The following REDIC1 variants were observed in gnomAD, a reference collection of about 807,000 sequenced individuals.
REDIC1 encodes the protein HEI10 Interacting Protein 1.
At chr12:39,668,210 G>C in the REDIC1 span, among the ~76,000 whole-genome samples, 2 of 152,054 alleles carry the variant, frequency 1.3e-5, no homozygotes, top group Non-Finnish European at 2.9e-5. Flanking sequence ...GGTACCAGTT[G>C]TTCCTTTCCA....
the REDIC1 span, among the ~76,000 whole-genome samples, chr12:39,805,786 G>A: frequency 2.6e-5 from 4 of 152,190 alleles, no homozygotes; most frequent in Non-Finnish European, 4.4e-5. Flanking sequence ...GCAAGTCAGA[G>A]TTGAGGTTTT....
the REDIC1 span, among the ~76,000 whole-genome samples, chr12:39,782,136 A>G: frequency 6.6e-6 from 1 of 152,160 alleles, no homozygotes; most frequent in Non-Finnish European, 1.5e-5. Flanking sequence ...GGGAAAGCAT[A>G]TTTTAACTTA....
the REDIC1 span, chr12:39,756,601 T>C: frequency 1.3e-5 from 2 of 151,866 alleles, no homozygotes; most frequent in Non-Finnish European, 3.0e-5. Flanking sequence ...ATATGGATGG[T>C]ATTTTCTAAA....
the REDIC1 span, among the ~76,000 whole-genome samples, chr12:39,739,653 T>G: frequency 1.3e-5 from 2 of 152,218 alleles, no homozygotes; most frequent in South Asian, 4.1e-4. Context: ...CTCAGAGGCT[T>G]CATTTTTGAA....
the REDIC1 span, among the ~76,000 whole-genome samples, chr12:39,766,983 G>C: frequency 6.6e-6 from 1 of 152,170 alleles, no homozygotes; most frequent in African/African-American, 2.4e-5. Flanking sequence ...CTTCCAAACT[G>C]TTCATTTGGT....
At chr12:39,896,133 C>T in the REDIC1 span, among the ~76,000 whole-genome samples, 5 of 140,444 alleles carry the variant, frequency 3.6e-5, no homozygotes, top group Non-Finnish European at 3.1e-5. Context: ...TATATGTATA[C>T]ACGTGTACCT....
the REDIC1 span, among the ~76,000 whole-genome samples, chr12:39,905,058 GAAGAATGCACAAA>G: frequency 6.6e-6 from 1 of 152,112 alleles, no homozygotes; most frequent in African/African-American, 2.4e-5. Context: ...AAATTAACTT[GAAGAATGCACAAA>G]TATGCCCACA....
chr12:39,711,226 A>C, the REDIC1 span, among the ~76,000 whole-genome samples: 6 of 150,166 alleles, frequency 4.0e-5, no homozygotes, highest in Non-Finnish European at 8.9e-5. Context: ...TTTTTAATCT[A>C]CCATATATAT....
chr12:39,767,938 C>A, the REDIC1 span, among the ~76,000 whole-genome samples: 1 of 152,100 alleles, frequency 6.6e-6, no homozygotes, highest in African/African-American at 2.4e-5. Flanking sequence ...CCCTGCAGAA[C>A]TGTGAGTCAA....
the REDIC1 span, among the ~76,000 whole-genome samples, chr12:39,709,070 C>T: frequency 6.6e-6 from 1 of 151,610 alleles, no homozygotes; most frequent in South Asian, 2.1e-4. Flanking sequence ...AGCACTTTCC[C>T]GAAGTTTTCC....
the REDIC1 span, among the ~76,000 whole-genome samples, chr12:39,764,136 T>TTG: frequency 1.4e-4 from 21 of 152,010 alleles, no homozygotes; most frequent in African/African-American, 5.1e-4. Flanking sequence ...TGTTTTTTTT[T>TTG]TTTGTTTGTT....
chr12:39,818,132 C>A, the REDIC1 span, among the ~76,000 whole-genome samples: 2 of 152,164 alleles, frequency 1.3e-5, no homozygotes, highest in African/African-American at 4.8e-5. Flanking sequence ...GTGACATCCC[C>A]AGGTGTGTGA....
chr12:39,702,261 G>A, the REDIC1 span, among the ~76,000 whole-genome samples: 3 of 152,052 alleles, frequency 2.0e-5, no homozygotes, highest in African/African-American at 4.8e-5. Context: ...TATCACCACC[G>A]ATCCCACAGA....
At chr12:39,687,718 G>C in the REDIC1 span, among the ~76,000 whole-genome samples, 1 of 152,110 alleles carries the variant, frequency 6.6e-6, no homozygotes, top group East Asian at 1.9e-4. Context: ...AAATGCTTTA[G>C]GTTTCAATGT....
the REDIC1 span, among the ~76,000 whole-genome samples, chr12:39,898,225 A>T: frequency 2.0e-5 from 3 of 152,134 alleles, no homozygotes. Context: ...AAGACTATAG[A>T]TACCTATTAT....
At chr12:39,697,447 G>A in the REDIC1 span, among the ~76,000 whole-genome samples, 15 of 152,222 alleles carry the variant, frequency 9.9e-5, 1 homozygote, top group African/African-American at 3.6e-4. Flanking sequence ...ATAATAATAA[G>A]TACACAGAAA....
At chr12:39,759,863 C>A in the REDIC1 span, 1 of 571,210 alleles carries the variant, frequency 1.8e-6, no homozygotes, top group South Asian at 2.5e-5. Flanking sequence ...AAAAAAAAGT[C>A]ATCATGGTTG....
chr12:39,713,110 T>C, the REDIC1 span, among the ~76,000 whole-genome samples: 1 of 149,136 alleles, frequency 6.7e-6, no homozygotes, highest in Non-Finnish European at 1.5e-5. Context: ...CATATACGTA[T>C]ATATGTAGAT....
At chr12:39,859,010 A>G in the REDIC1 span, among the ~76,000 whole-genome samples, 2 of 152,178 alleles carry the variant, frequency 1.3e-5, no homozygotes, top group African/African-American at 2.4e-5. Flanking sequence ...AAGGCTGGCA[A>G]AAGGAGAAGA....
Sources: allele counts gnomAD v4.1 joint callset (sites outside exome capture counted in the v4.1 genomes callset), GRCh38; gene constraint gnomAD v4.1.1; transcripts MANE v1.5; gene names NCBI Gene and HGNC (gene_info 2026-07-23, HGNC 2026-07-21).